Variants in ZNF721 observed in about 807,000 individuals in gnomAD.
ZNF721 encodes the protein zinc finger protein 721.
In ZNF721, 2 loss-of-function variants were observed where a neutral mutation model predicts 2.4. The ratio of observed to expected loss-of-function variants is 0.82; its 90% CI spans 0.34 to 2.58. ZNF721 has a LOEUF of 2.58. Among genes scored for constraint, ZNF721 ranks in the 30% most tolerant of loss-of-function variants. The pLI, the probability that ZNF721 is intolerant of heterozygous loss-of-function variation, is 0.11. For missense variants in ZNF721, 1,187 were observed against 1,085.5 expected, an observed-to-expected ratio of 1.09 and a Z score of -1.31; for synonymous variants, 398 against 381.8, an observed-to-expected ratio of 1.04 and a Z score of -0.50.
At chr4:482,145 A>C (rs1463645481) in intron 1 of ZNF721, among the ~76,000 whole-genome samples, 1 of 152,102 alleles carries the variant, frequency 6.6e-6, no homozygotes, top group African/African-American at 2.4e-5. Context: ...ATGCATTTTG[A>C]TTTGTTATTT....
intron 1 of ZNF721, among the ~76,000 whole-genome samples, chr4:485,210 G>T (rs1715864060): frequency 6.6e-6 from 1 of 152,056 alleles, no homozygotes; most frequent in Non-Finnish European, 1.5e-5. Flanking sequence ...TTACACTCAG[G>T]CATCATGAGA....
At chr4:462,542 T>C (rs1459197635) in intron 2 of ZNF721, among the ~76,000 whole-genome samples, 1 of 152,180 alleles carries the variant, frequency 6.6e-6, no homozygotes, top group Non-Finnish European at 1.5e-5. Flanking sequence ...ATGGTACTGA[T>C]ACCAAAACAG....
intron 2 of ZNF721, among the ~76,000 whole-genome samples, chr4:465,862 A>T (rs1468388141): frequency 6.6e-6 from 1 of 152,110 alleles, no homozygotes; most frequent in Non-Finnish European, 1.5e-5. Context: ...AAACAAAACA[A>T]CTCAACACTA....
At chr4:463,656 A>T (rs1482972424) in intron 2 of ZNF721, among the ~76,000 whole-genome samples, 2 of 152,192 alleles carry the variant, frequency 1.3e-5, no homozygotes, top group Admixed American at 1.3e-4. Context: ...TAACACAAAG[A>T]CAGGAAACCA....
rs542163948 is a variant in ZNF721, at chr4:490,745, G to T, written c.-94+8311C>A. 2.0e-5 allele frequency among the ~76,000 whole-genome samples: 3 copies of T among 152,154 alleles called. No individual in the cohort carries two copies. In the South Asian group the frequency reaches 6.2e-4, roughly 32 times the overall value. On this transcript the variant is annotated intron_variant, in intron 1 of 2. Coordinates refer to ENST00000511833, the MANE Select transcript of ZNF721 (RefSeq NM_133474.4). Reference sequence around the variant, plus strand: ...TGTGTGTGTGTGCACGTGTGCATGCGTGCACAGTTTATAAGTGGATGTAAC... The same window carrying T: ...TGTGTGTGTGTGCACGTGTGCATGCTTGCACAGTTTATAAGTGGATGTAAC...
At chr4:464,971 G>C (rs1715197621) in intron 2 of ZNF721, among the ~76,000 whole-genome samples, 1 of 151,692 alleles carries the variant, frequency 6.6e-6, no homozygotes, top group African/African-American at 2.4e-5. Context: ...TGCAGTCTCA[G>C]CTACTCGGGA....
chr4:445,107 C>T (rs974956657), intron 2 of ZNF721, among the ~76,000 whole-genome samples: 8 of 151,526 alleles, frequency 5.3e-5, no homozygotes, highest in Non-Finnish European at 1.0e-4. Context: ...GCCTCAGCCT[C>T]CCCAATAGCT....
chr4:475,966 A>G (rs114855791), intron 1 of ZNF721, among the ~76,000 whole-genome samples: 81 of 152,346 alleles, frequency 5.3e-4, no homozygotes, highest in Non-Finnish European at 1.0e-3. Flanking sequence ...ACTGAGCACA[A>G]TGCAACACAA....
chr4:454,628 A>G (rs1346712806), intron 2 of ZNF721, among the ~76,000 whole-genome samples: 4 of 152,150 alleles, frequency 2.6e-5, no homozygotes, highest in Non-Finnish European at 5.9e-5. Context: ...TGTAATCTAT[A>G]TCAACTATGC....
chr4:461,433 A>G (rs1553866078), intron 2 of ZNF721, among the ~76,000 whole-genome samples: 1 of 151,876 alleles, frequency 6.6e-6, no homozygotes, highest in Non-Finnish European at 1.5e-5. Context: ...TCAATCAACT[A>G]GGTACTGATG....
At chr4:475,149 T>C (rs1170104799) in intron 1 of ZNF721, among the ~76,000 whole-genome samples, 2 of 151,900 alleles carry the variant, frequency 1.3e-5, no homozygotes, top group African/African-American at 4.8e-5. Flanking sequence ...ATGGCGTCAC[T>C]GCTCTCCAGG....
rs1714296144 is a variant in ZNF721, at chr4:442,655, C to G, written c.1812G>C (p.Lys604Asn). ...FGRYTDLNQH[K>N]KIHTGEKLYK... Reference sequence around the variant, plus strand: ...AAAGTTTCTCTCCAGTATGAATTTTCTTGTGTTGATTCAGGTCTGTGTACC... The same window carrying G: ...AAAGTTTCTCTCCAGTATGAATTTTGTTGTGTTGATTCAGGTCTGTGTACC... Residue 604 changes from lysine to asparagine, a missense_variant, in exon 3 of 3, where the codon AAG becomes AAC. Lys to Asn is a moderately conservative substitution (Grantham distance 94). Coordinates refer to ENST00000511833, the MANE Select transcript of ZNF721 (RefSeq NM_133474.4). The G allele has an allele frequency of 6.2e-7, 1 of 1,614,030 alleles. No homozygotes were observed.
intron 1 of ZNF721, among the ~76,000 whole-genome samples, chr4:495,537 G>A (rs1166455214): frequency 1.3e-5 from 2 of 150,504 alleles, no homozygotes; most frequent in African/African-American, 4.9e-5. Context: ...TTGAGTGTGA[G>A]ATCTCAGGTG....
In ZNF721 at chr4:441,728, T is replaced by G. The variant is rs782328423; in HGVS notation, c.2739A>C (p.Lys913Asn). Residue 913 changes from lysine to asparagine, a missense_variant, in exon 3 of 3, where the codon AAA becomes AAC. Coordinates refer to ENST00000511833, the MANE Select transcript of ZNF721 (RefSeq NM_133474.4). ...RQSANLYAHK[K>N]IHTGDKTIQV ...GTATGGTTTTATCTCCAGTATGAAT[T>G]TTCTTATGTGCATAAAGATTTGCAG... The G allele has an allele frequency of 6.2e-7, 1 of 1,612,550 alleles. No individual in the cohort carries two copies. Among genetic ancestry groups the G allele is most frequent in the East Asian group, 2.2e-5 (1 of 44,856 alleles).
intron 2 of ZNF721, among the ~76,000 whole-genome samples, chr4:445,571 A>T (rs782080483): frequency 6.6e-5 from 10 of 152,232 alleles, no homozygotes; most frequent in Non-Finnish European, 1.3e-4. Flanking sequence ...AGATGTACTA[A>T]TTTTTTAAAT....
intron 1 of ZNF721, among the ~76,000 whole-genome samples, chr4:479,337 C>T (rs1480375368): frequency 1.3e-5 from 2 of 152,180 alleles, no homozygotes; most frequent in African/African-American, 4.8e-5. Flanking sequence ...CCCATGACAT[C>T]ATGCACGTGG....
At chr4:462,836 G>A (rs1340672532) in intron 2 of ZNF721, among the ~76,000 whole-genome samples, 1 of 152,078 alleles carries the variant, frequency 6.6e-6, no homozygotes, top group Non-Finnish European at 1.5e-5. Context: ...TCAGGACACG[G>A]GCATGGGCAA....
chr4:492,481 G>A (rs1358806749), intron 1 of ZNF721, among the ~76,000 whole-genome samples: 3 of 151,918 alleles, frequency 2.0e-5, no homozygotes, highest in Non-Finnish European at 2.9e-5. Context: ...AGAGTAAATC[G>A]ATCCCTTAAG....
At chr4:452,535 C>T (rs782111659) in intron 2 of ZNF721, among the ~76,000 whole-genome samples, 4 of 152,122 alleles carry the variant, frequency 2.6e-5, no homozygotes, top group Admixed American at 6.6e-5. Flanking sequence ...AGAAAGAGAG[C>T]GTGGCTTTTC....
Sources: gnomAD v4.1 joint callset for allele counts (sites outside exome capture counted in the v4.1 genomes callset) on GRCh38, gnomAD v4.1.1 for gene constraint, MANE v1.5 for transcripts, NCBI Gene and HGNC (gene_info 2026-07-23, HGNC 2026-07-21) for gene names.